HEMK2: variants seen among roughly 807,000 people sequenced by gnomAD.
The protein encoded by HEMK2 is methyltransferase HEMK2.
At chr21:28,640,701 A>G in the HEMK2 span, among the ~76,000 whole-genome samples, 1 of 125,700 alleles carries the variant, frequency 8.0e-6, no homozygotes, top group African/African-American at 2.5e-5. Context: ...CTTCAAAACA[A>G]ATCCAATCCT....
the HEMK2 span, among the ~76,000 whole-genome samples, chr21:28,700,391 C>T: frequency 2.2e-4 from 33 of 152,156 alleles, no homozygotes; most frequent in Non-Finnish European, 3.2e-4. Context: ...GGATAGACTA[C>T]TAGCTAGACT....
At chr21:28,575,971 C>T in the HEMK2 span, among the ~76,000 whole-genome samples, 1 of 152,178 alleles carries the variant, frequency 6.6e-6, no homozygotes, top group African/African-American at 2.4e-5. Context: ...TCACACCACA[C>T]ATTGTTTAAT....
chr21:28,719,762 A>C, the HEMK2 span, among the ~76,000 whole-genome samples: 1 of 152,242 alleles, frequency 6.6e-6, no homozygotes, highest in Admixed American at 6.5e-5. Flanking sequence ...ATACACGGAA[A>C]GCATCTCTTA....
At chr21:28,719,213 A>T in the HEMK2 span, among the ~76,000 whole-genome samples, 8 of 152,166 alleles carry the variant, frequency 5.3e-5, no homozygotes, top group African/African-American at 1.9e-4. Flanking sequence ...CCTTTTGCCA[A>T]GTAGGGGCAT....
the HEMK2 span, among the ~76,000 whole-genome samples, chr21:28,832,464 T>C: frequency 6.6e-6 from 1 of 152,214 alleles, no homozygotes; most frequent in Non-Finnish European, 1.5e-5. Flanking sequence ...GTTGAAATAC[T>C]TTAACTCTTT....
chr21:28,709,060 C>A, the HEMK2 span, among the ~76,000 whole-genome samples: 1 of 152,128 alleles, frequency 6.6e-6, no homozygotes, highest in Non-Finnish European at 1.5e-5. Flanking sequence ...TCTATCCTCA[C>A]ATGGTGAAAA....
At chr21:28,831,574 A>AAAGAAG in the HEMK2 span, among the ~76,000 whole-genome samples, 9 of 40,868 alleles carry the variant, frequency 2.2e-4, 1 homozygote, top group African/African-American at 3.4e-4. Context: ...AAGGAAAGAA[A>AAAGAAG]GAAAGAAGGA....
the HEMK2 span, among the ~76,000 whole-genome samples, chr21:28,751,577 G>A: frequency 6.6e-6 from 1 of 152,154 alleles, no homozygotes; most frequent in Non-Finnish European, 1.5e-5. Flanking sequence ...AGTTAGTTAA[G>A]GGCAGAAGAG....
the HEMK2 span, among the ~76,000 whole-genome samples, chr21:28,747,692 A>AT: frequency 4.9e-3 from 753 of 152,372 alleles, 6 homozygotes; most frequent in African/African-American, 0.017. Context: ...CTATGCAGCC[A>AT]TAAAAAGAAA....
At chr21:28,814,314 G>C in the HEMK2 span, among the ~76,000 whole-genome samples, 6 of 3,278 alleles carry the variant, frequency 1.8e-3, no homozygotes, top group Non-Finnish European at 3.2e-3. Flanking sequence ...TCAGGACATA[G>C]GCATGAGCAA....
the HEMK2 span, among the ~76,000 whole-genome samples, chr21:28,586,310 A>G: frequency 6.6e-6 from 1 of 152,254 alleles, no homozygotes; most frequent in Non-Finnish European, 1.5e-5. Context: ...AGAGGAATCC[A>G]TATCTGTCTT....
the HEMK2 span, among the ~76,000 whole-genome samples, chr21:28,738,400 G>A: frequency 2.6e-5 from 4 of 152,192 alleles, no homozygotes; most frequent in Non-Finnish European, 4.4e-5. Flanking sequence ...CTGTGATGTT[G>A]CCAATGTGTT....
At chr21:28,821,505 G>T in the HEMK2 span, among the ~76,000 whole-genome samples, 1 of 152,212 alleles carries the variant, frequency 6.6e-6, no homozygotes, top group Non-Finnish European at 1.5e-5. Flanking sequence ...GAATTTGGAA[G>T]GAGGAATAAC....
the HEMK2 span, among the ~76,000 whole-genome samples, chr21:28,776,333 G>C: frequency 6.6e-6 from 1 of 152,222 alleles, no homozygotes; most frequent in African/African-American, 2.4e-5. Context: ...CACAGAGCCA[G>C]TGGCTTATCT....
chr21:28,748,270 T>C, the HEMK2 span, among the ~76,000 whole-genome samples: 6 of 152,152 alleles, frequency 3.9e-5, no homozygotes, highest in East Asian at 1.9e-4. Flanking sequence ...ACAATGAACA[T>C]TGAAAAATGT....
chr21:28,720,981 T>G, the HEMK2 span, among the ~76,000 whole-genome samples: 1 of 152,198 alleles, frequency 6.6e-6, no homozygotes, highest in Non-Finnish European at 1.5e-5. Flanking sequence ...GATTTTACAC[T>G]TAATGTTTGA....
the HEMK2 span, among the ~76,000 whole-genome samples, chr21:28,649,684 A>G: frequency 7.2e-5 from 11 of 152,144 alleles, no homozygotes; most frequent in African/African-American, 2.7e-4. Flanking sequence ...CAAAGGCGGT[A>G]ACATTTTATT....
chr21:28,802,934 A>G, the HEMK2 span, among the ~76,000 whole-genome samples: 1 of 152,352 alleles, frequency 6.6e-6, no homozygotes, highest in African/African-American at 2.4e-5. Flanking sequence ...GATCATCTAC[A>G]TAAGTTGTGG....
the HEMK2 span, among the ~76,000 whole-genome samples, chr21:28,755,976 C>CCCAATTTT: frequency 1.3e-5 from 2 of 152,112 alleles, no homozygotes; most frequent in Non-Finnish European, 2.9e-5. Flanking sequence ...TATGTGTGAG[C>CCCAATTTT]CCAATTTTCA....
Sources: allele counts gnomAD v4.1 joint callset (sites outside exome capture counted in the v4.1 genomes callset), GRCh38; gene constraint gnomAD v4.1.1; transcripts MANE v1.5; gene names NCBI Gene and HGNC (gene_info 2026-07-23, HGNC 2026-07-21).